KALRN: variants seen among roughly 807,000 people sequenced by gnomAD.
KALRN encodes kalirin.
Under a neutral mutation model 353.7 loss-of-function variants are expected in KALRN, and 70 were observed. That is an observed-to-expected ratio of 0.20 (90% CI 0.16 to 0.24). The LOEUF is 0.24. KALRN is among the 10% of genes least tolerant of loss of function. The pLI, the probability that KALRN is intolerant of heterozygous loss-of-function variation, is 1.00. For synonymous variants in KALRN, 1,391 were observed against 1,434.8 expected (o/e 0.97, Z 0.69); for missense variants, 2,791 against 3,756.7 (o/e 0.74, Z 6.72).
intron 25 of KALRN, among the ~76,000 whole-genome samples, chr3:124,470,111 T>A (rs904981642): frequency 2.2e-4 from 34 of 152,344 alleles, no homozygotes; most frequent in Non-Finnish European, 4.4e-4. Context: ...TATAATAATT[T>A]AATAGAGTAA....
intron 5 of KALRN, among the ~76,000 whole-genome samples, chr3:124,270,409 A>C (rs1478810532): frequency 1.3e-5 from 2 of 152,222 alleles, no homozygotes; most frequent in African/African-American, 4.8e-5. Context: ...AAAATTTATC[A>C]GAATATTAAT....
chr3:124,211,887 T>C (rs2076930319), intron 1 of KALRN, among the ~76,000 whole-genome samples: 2 of 152,290 alleles, frequency 1.3e-5, no homozygotes, highest in South Asian at 4.1e-4. Context: ...ACTGCATGAC[T>C]CTTGTGCCTT....
At chr3:124,327,006 T>A (rs1024501287) in intron 7 of KALRN, among the ~76,000 whole-genome samples, 3 of 152,220 alleles carry the variant, frequency 2.0e-5, no homozygotes, top group Admixed American at 6.5e-5. Context: ...TTGTGTGCTA[T>A]GTATGGATCA....
chr3:124,673,481 T>C (rs890661207), intron 48 of KALRN, among the ~76,000 whole-genome samples: 1 of 149,662 alleles, frequency 6.7e-6, no homozygotes, highest in Admixed American at 6.7e-5. Context: ...TGTATATACA[T>C]ATAGAATATA....
chr3:124,119,889 C>T (rs769389953), intron 1 of KALRN, among the ~76,000 whole-genome samples: 4 of 152,134 alleles, frequency 2.6e-5, no homozygotes, highest in African/African-American at 4.8e-5. Flanking sequence ...GGGTGATACA[C>T]GGATGTCCTG....
At chr3:124,038,515 C>A (rs1379805774) in intron 1 of KALRN, among the ~76,000 whole-genome samples, 1 of 151,796 alleles carries the variant, frequency 6.6e-6, no homozygotes, top group Non-Finnish European at 1.5e-5. Context: ...GAGTTTGATA[C>A]CTGAAGAAAT....
At chr3:124,532,952 C>A (rs564343132) in intron 33 of KALRN, among the ~76,000 whole-genome samples, 3,571 of 142,662 alleles carry the variant, frequency 0.025, 49 homozygotes, top group Middle Eastern at 0.058. Flanking sequence ...AAAAAAAAAA[C>A]AAATACACAT....
chr3:124,521,331 T>C (rs904884382), intron 33 of KALRN, among the ~76,000 whole-genome samples: 5 of 152,228 alleles, frequency 3.3e-5, no homozygotes, highest in African/African-American at 1.2e-4. Context: ...ATTAGTCAAG[T>C]AACACATGAG....
chr3:124,235,408 G>A (rs867078657), intron 3 of KALRN, among the ~76,000 whole-genome samples: 1 of 152,162 alleles, frequency 6.6e-6, no homozygotes, highest in Non-Finnish European at 1.5e-5. Context: ...AGGCTCCTTC[G>A]GGGCCTAGGA....
chr3:124,584,736 G>A, intron 34 of KALRN: 1 of 1,510,180 alleles, frequency 6.6e-7, no homozygotes, highest in Non-Finnish European at 8.8e-7. Context: ...GCTCTCGGGC[G>A]GCGGCGCTGA....
rs141401130 is a variant in KALRN at position 124,642,199 on chromosome 3, G to A, written c.5664+4896G>A. ...CTCCGGAGGCTGAGGCATAAGAATC[G>A]CTTGAACTCGGGAGGCAGAGGTTGC... On this transcript the variant is annotated intron_variant, in intron 37 of 59. Transcript: ENST00000682506. Among the ~76,000 whole-genome samples the A allele has an allele frequency of 8.6e-3, 1,311 of 152,156 alleles. 14 individuals are homozygous for A. Among genetic ancestry groups the A allele is most frequent in the African/African-American group, 0.03 (1,226 of 41,498 alleles).
At chr3:124,484,429 A>C (rs961234318) in intron 28 of KALRN, among the ~76,000 whole-genome samples, 3 of 152,090 alleles carry the variant, frequency 2.0e-5, no homozygotes, top group Admixed American at 2.0e-4. Context: ...CAGCCAACCA[A>C]CCCTGCAGAA....
chr3:124,146,095 C>T (rs1316953324), intron 1 of KALRN, among the ~76,000 whole-genome samples: 1 of 152,264 alleles, frequency 6.6e-6, no homozygotes, highest in South Asian at 2.1e-4. Context: ...GCATACAATC[C>T]TCCTTGGCAA....
intron 33 of KALRN, chr3:124,519,891 G>A (rs941822519): frequency 3.1e-5 from 31 of 985,194 alleles, no homozygotes; most frequent in Middle Eastern, 5.2e-4. Context: ...TTTCTGTTGA[G>A]TGCTGAGGCC....
intron 5 of KALRN, among the ~76,000 whole-genome samples, chr3:124,276,941 G>A (rs986299221): frequency 7.2e-5 from 11 of 152,122 alleles, no homozygotes; most frequent in South Asian, 4.2e-4. Context: ...ACACACGCAC[G>A]CACACATGTG....
chr3:124,212,892 A>G (rs2077019090), intron 1 of KALRN, among the ~76,000 whole-genome samples: 2 of 151,968 alleles, frequency 1.3e-5, no homozygotes, highest in South Asian at 4.1e-4. Flanking sequence ...TATGTTTATT[A>G]TCCATTTTCC....
chr3:124,679,413 T>C (rs763263209), intron 50 of KALRN, 45 bp from the exon 51 acceptor site: 1 of 1,553,030 alleles, frequency 6.4e-7, no homozygotes, highest in South Asian at 1.1e-5. Context: ...ACTTGTGTTC[T>C]AACTGTGTTC....
intron 33 of KALRN, among the ~76,000 whole-genome samples, chr3:124,514,506 A>G (rs906033858): frequency 1.3e-5 from 2 of 152,076 alleles, no homozygotes; most frequent in Non-Finnish European, 2.9e-5. Flanking sequence ...TTCTTACTGA[A>G]CTCCTAATAT....
At chr3:124,250,235 C>T (rs1358418045) in intron 3 of KALRN, among the ~76,000 whole-genome samples, 1 of 152,154 alleles carries the variant, frequency 6.6e-6, no homozygotes, top group African/African-American at 2.4e-5. Context: ...AGGACTGTTT[C>T]CTGGAGGAAA....
Sources: allele counts gnomAD v4.1 joint callset (sites outside exome capture counted in the v4.1 genomes callset), GRCh38; gene constraint gnomAD v4.1.1; transcripts MANE v1.5; gene names NCBI Gene and HGNC (gene_info 2026-07-23, HGNC 2026-07-21).